The following SDC1 variants were observed in gnomAD, a reference collection of about 807,000 sequenced individuals.
SDC1 encodes syndecan 1, also known as syndecan-1.
SDC1 carries 14 observed loss-of-function variants against 29.7 expected under a neutral mutation model. That is an observed-to-expected ratio of 0.47 (90% CI 0.31 to 0.74). The LOEUF (loss-of-function observed/expected upper bound fraction) is 0.74. Among genes scored for constraint, SDC1 ranks in the 30% least tolerant of loss-of-function variants. The pLI is 0.05. For synonymous variants in SDC1, 204 were observed against 175.5 expected (o/e 1.16, Z -1.29); for missense variants, 406 against 400.3 (o/e 1.01, Z -0.12).
chr2:20,217,748 G>A (rs1252433793), intron 1 of SDC1, among the ~76,000 whole-genome samples: 1 of 151,990 alleles, frequency 6.6e-6, no homozygotes, highest in Non-Finnish European at 1.5e-5. Flanking sequence ...TGACTCAGCT[G>A]ATGAGTGGAC....
rs1677149484 is a variant in SDC1, at chr2:20,203,999, C to A, written c.441G>T (p.Glu147Asp). The A allele has an allele frequency of 6.2e-7, 1 of 1,613,436 alleles. No individual in the cohort carries two copies. Among genetic ancestry groups the A allele is most frequent in the South Asian group, 1.1e-5 (1 of 91,060 alleles). Residue 147 changes from glutamate to aspartate, a missense_variant, in exon 3 of 5, where the codon GAG becomes GAT. Coordinates refer to ENST00000254351, the MANE Select transcript of SDC1 (RefSeq NM_002997.5). ...ASTTTATTAQ[E>D]PATSHPHRDM... ...CCCTGTGGGGGTGGGAGGTGGCGGG[C>A]TCCTGGGCCGTGGTGGCTGTGGTCG...
chr2:20,213,600 G>C (rs548264791), intron 1 of SDC1, among the ~76,000 whole-genome samples: 1 of 152,306 alleles, frequency 6.6e-6, no homozygotes, highest in African/African-American at 2.4e-5. Context: ...AGCCTCCAAA[G>C]CACTGTCCCT....
intron 1 of SDC1, among the ~76,000 whole-genome samples, chr2:20,208,976 T>C (rs542487691): frequency 3.3e-5 from 5 of 152,276 alleles, no homozygotes; most frequent in African/African-American, 9.6e-5. Context: ...AGCTCACTGA[T>C]TAGAAAGCCC....
At position 20,202,000 on chromosome 2, in the gene SDC1, G is replaced by C. The variant is rs879070918; in HGVS notation, c.*766C>G. On this transcript the variant is annotated 3_prime_UTR_variant, in exon 5 of 5. Transcript: ENST00000254351. ...CCACCAGAAACGGGGCCACCAGACAGATAGTCCATACCCTGTTGCACACAT... is the reference window on the plus strand; with the variant it reads ...CCACCAGAAACGGGGCCACCAGACACATAGTCCATACCCTGTTGCACACAT... 4.5e-5 allele frequency: 18 copies of C among 399,648 alleles called. No homozygotes were observed. The South Asian group carries it at 7.5e-4, about 17-fold the overall frequency. 24.8% of individuals were successfully genotyped at this position (399,648 alleles called of 1,614,324 possible). A position where few individuals can be genotyped will look rare whatever the true frequency, so the allele number is the denominator to read the frequency against.
chr2:20,220,437 C>A (rs1039043081), intron 1 of SDC1, among the ~76,000 whole-genome samples: 13 of 152,180 alleles, frequency 8.5e-5, no homozygotes, highest in African/African-American at 2.9e-4. Context: ...CCCTAGGCCT[C>A]AGCTTCCTCA....
In SDC1 at chr2:20,202,335, C is replaced by A. The variant is rs747600264; in HGVS notation, c.*431G>T. 64 of 772,710 alleles carry A rather than the reference C, an allele frequency of 8.3e-5. No homozygotes were observed. The highest frequency in any genetic ancestry group is 4.1e-5 in the South Asian group (3 of 73,030). The allele number at this position is 772,710 out of a possible 1,614,324, so 47.9% of individuals were successfully genotyped here. A position where few individuals can be genotyped will look rare whatever the true frequency, so the allele number is the denominator to read the frequency against. On this transcript the variant is annotated 3_prime_UTR_variant, in exon 5 of 5. Coordinates refer to ENST00000254351, the MANE Select transcript of SDC1 (RefSeq NM_002997.5). Reference sequence around the variant, plus strand: ...CCCTGCCACTCAGCGGCCACCCCCCCAAGATGCTTGGTCCTACCAGTAAGT... The same window carrying A: ...CCCTGCCACTCAGCGGCCACCCCCCAAAGATGCTTGGTCCTACCAGTAAGT...
At chr2:20,212,588 G>A (rs1419979823) in intron 1 of SDC1, among the ~76,000 whole-genome samples, 1 of 152,208 alleles carries the variant, frequency 6.6e-6, no homozygotes, top group East Asian at 1.9e-4. Context: ...GCCTCACTGG[G>A]GCCTCAAGGC....
intron 1 of SDC1, among the ~76,000 whole-genome samples, chr2:20,213,385 C>T (rs897739304): frequency 3.3e-5 from 5 of 152,224 alleles, no homozygotes; most frequent in Admixed American, 6.5e-5. Context: ...AGTTCTGCTC[C>T]GAGAGCCAAA....
At chr2:20,208,167 C>A (rs1342254985) in intron 1 of SDC1, 1 of 972,788 alleles carries the variant, frequency 1.0e-6, no homozygotes, top group Non-Finnish European at 1.2e-6. Context: ...CACACTGGGG[C>A]CCATGTACAA....
chr2:20,205,230 C>G, intron 2 of SDC1, 113 bp downstream of exon 2: 2 of 822,258 alleles, frequency 2.4e-6, no homozygotes, highest in South Asian at 3.0e-5. Context: ...GGAGACAGGG[C>G]AGGCAGGGTG....
In SDC1 at chr2:20,201,394, G is replaced by C. The variant is rs138658407; in HGVS notation, c.*1372C>G. On this transcript the variant is annotated 3_prime_UTR_variant, in exon 5 of 5. Transcript: ENST00000254351. ...CCCATGGGAAAGACGAAGGCACAGA[G>C]ATTCGAGCCAAGTTTCCCAACATGT... 1.5e-3 allele frequency: 232 copies of C among 152,530 alleles called. 1 individual carries two copies. The highest frequency in any genetic ancestry group is 2.7e-3 in the Non-Finnish European group (186 of 68,038). The allele number at this position is 152,530 out of a possible 1,614,324, so 9.4% of individuals were successfully genotyped here.
At chr2:20,207,923 T>A (rs1487736231) in intron 1 of SDC1, 1 of 984,096 alleles carries the variant, frequency 1.0e-6, no homozygotes, top group Non-Finnish European at 1.2e-6. Context: ...CCACCCATAC[T>A]CACTGGGATC....
Position 20,202,333 on chromosome 2 carries a change from C to T in SDC1, c.*433G>A. Reference sequence around the variant, plus strand: ...TCCCCTGCCACTCAGCGGCCACCCCCCCAAGATGCTTGGTCCTACCAGTAA... The same window carrying T: ...TCCCCTGCCACTCAGCGGCCACCCCTCCAAGATGCTTGGTCCTACCAGTAA... On this transcript the variant is annotated 3_prime_UTR_variant, in exon 5 of 5. Coordinates refer to ENST00000254351, the MANE Select transcript of SDC1 (RefSeq NM_002997.5). 1.3e-6 allele frequency: 1 copy of T among 773,364 alleles called. No individual in the cohort carries two copies. The highest frequency in any genetic ancestry group is 2.4e-6 in the Non-Finnish European group (1 of 415,678). The allele number at this position is 773,364 out of a possible 1,614,324, so 47.9% of individuals were successfully genotyped here. A position where few individuals can be genotyped will look rare whatever the true frequency, so the allele number is the denominator to read the frequency against.
chr2:20,222,776 CG>C (rs1202359028), intron 1 of SDC1, among the ~76,000 whole-genome samples: 1 of 152,204 alleles, frequency 6.6e-6, no homozygotes, highest in African/African-American at 2.4e-5. Context: ...CCAGCATTAA[CG>C]GGTGCGGTGG....
chr2:20,215,418 T>C (rs573173472), intron 1 of SDC1, among the ~76,000 whole-genome samples: 1 of 152,358 alleles, frequency 6.6e-6, no homozygotes, highest in East Asian at 1.9e-4. Context: ...GAGCAAAGTC[T>C]AGCCTGCTAG....
Position 20,203,184 on chromosome 2 carries a change from TA to T in SDC1, c.665del (p.Val222GlufsTer57). 1 of 1,612,370 alleles carries T rather than the reference TA, an allele frequency of 6.2e-7. No homozygotes were observed. Among genetic ancestry groups the T allele is most frequent in the South Asian group, 1.1e-5 (1 of 90,946 alleles). ...TFETSGENTA[V>X]VAVEPDRRNQ... is the part of the protein sequence containing the mutation. Reference sequence around the variant, plus strand: ...TCCGGCGGTCAGGCTCCACGGCCACTACAGCCGTATTCTCCCCCGAGGTTTC... The same window carrying T: ...TCCGGCGGTCAGGCTCCACGGCCACTCAGCCGTATTCTCCCCCGAGGTTTC... On this transcript the variant is annotated frameshift_variant, in exon 4 of 5. Transcript: ENST00000254351. LOFTEE classifies it high-confidence loss of function.
At chr2:20,204,615 C>T (rs1677191018) in intron 2 of SDC1, among the ~76,000 whole-genome samples, 1 of 152,054 alleles carries the variant, frequency 6.6e-6, no homozygotes. Flanking sequence ...CTGTGGTTAT[C>T]CTACTTATCC....
At chr2:20,205,050 T>C (rs566939651) in intron 2 of SDC1, among the ~76,000 whole-genome samples, 52 of 152,362 alleles carry the variant, frequency 3.4e-4, no homozygotes, top group African/African-American at 1.2e-3. Flanking sequence ...CAGAGGTTTC[T>C]TAGTGAGTAA....
chr2:20,202,395 G>T lies in SDC1; in HGVS notation c.*371C>A. ...GTGTGAGCCCCAAGCCCCACCCGCA[G>T]GATCTTCCAGCCACATGAGGCCATT... On this transcript the variant is annotated 3_prime_UTR_variant, in exon 5 of 5. Coordinates refer to ENST00000254351, the MANE Select transcript of SDC1 (RefSeq NM_002997.5). The T allele has an allele frequency of 1.4e-6, 1 of 696,704 alleles. No individual in the cohort carries two copies. The highest frequency in any genetic ancestry group is 2.6e-6 in the Non-Finnish European group (1 of 379,334). The allele number at this position is 696,704 out of a possible 1,614,324, so 43.2% of individuals were successfully genotyped here.
Sources: gnomAD v4.1 joint callset for allele counts (sites outside exome capture counted in the v4.1 genomes callset) on GRCh38, gnomAD v4.1.1 for gene constraint, MANE v1.5 for transcripts, NCBI Gene and HGNC (gene_info 2026-07-23, HGNC 2026-07-21) for gene names.